Variants in OCA2 observed in about 807,000 individuals in gnomAD.
The protein encoded by OCA2 is OCA2 melanosomal transmembrane protein.
Under a neutral mutation model 100.2 loss-of-function variants are expected in OCA2, and 77 were observed. The ratio of observed to expected loss-of-function variants is 0.77; its 90% CI spans 0.64 to 0.93. The LOEUF (loss-of-function observed/expected upper bound fraction) is 0.93. Among genes scored for constraint, OCA2 ranks in the 40% least tolerant of loss-of-function variants. The pLI, the probability that OCA2 is intolerant of heterozygous loss-of-function variation, is 0.00. For synonymous variants in OCA2, 432 were observed against 439.2 expected (o/e 0.98, Z 0.21); for missense variants, 1,062 against 1,089.1 (o/e 0.98, Z 0.35).
At chr15:27,775,574 G>GC (rs2032163742) in intron 23 of OCA2, 1 of 152,512 alleles carries the variant, frequency 6.6e-6, no homozygotes, top group Non-Finnish European at 1.5e-5. Flanking sequence ...TGCAAACCCT[G>GC]CCAGGCACCA....
intron 23 of OCA2, among the ~76,000 whole-genome samples, chr15:27,830,487 T>C (rs2034907869): frequency 6.6e-6 from 1 of 152,186 alleles, no homozygotes. Context: ...TATTTAAAGA[T>C]AAGAAGGATG....
intron 18 of OCA2, among the ~76,000 whole-genome samples, chr15:27,945,076 G>A (rs888480517): frequency 1.3e-5 from 2 of 152,212 alleles, no homozygotes; most frequent in African/African-American, 4.8e-5. Context: ...ACAAATGCAT[G>A]AATAAGTGAG....
chr15:27,733,619 G>A, the OCA2 span, among the ~76,000 whole-genome samples: 1 of 152,192 alleles, frequency 6.6e-6, no homozygotes, highest in Non-Finnish European at 1.5e-5. Flanking sequence ...GTCTGCACCT[G>A]AAAATACAAG....
chr15:27,905,163 CAAAAAA>C (rs35906783), intron 19 of OCA2, among the ~76,000 whole-genome samples: 1 of 114,642 alleles, frequency 8.7e-6, no homozygotes, highest in Non-Finnish European at 1.8e-5. Flanking sequence ...GACTCCACCT[CAAAAAA>C]AAAAAAAAAA....
At chr15:27,922,026 A>T (rs1368649956) in intron 19 of OCA2, among the ~76,000 whole-genome samples, 1 of 152,260 alleles carries the variant, frequency 6.6e-6, no homozygotes, top group Non-Finnish European at 1.5e-5. Flanking sequence ...ATCATAAGAA[A>T]CAAAAACTAC....
At chr15:27,851,248 T>A (rs2035736971) in intron 22 of OCA2, 134 bp downstream of exon 22, 1 of 786,714 alleles carries the variant, frequency 1.3e-6, no homozygotes. Context: ...CAAAGCTGAA[T>A]ATGTGTGTCC....
At chr15:28,089,475 C>T (rs371073121) in intron 1 of OCA2, among the ~76,000 whole-genome samples, 2 of 152,220 alleles carry the variant, frequency 1.3e-5, no homozygotes, top group African/African-American at 4.8e-5. Context: ...AATAAATGTC[C>T]ATGAAATCTT....
At chr15:27,814,917 T>C (rs963306635) in intron 23 of OCA2, among the ~76,000 whole-genome samples, 2 of 149,588 alleles carry the variant, frequency 1.3e-5, no homozygotes, top group Non-Finnish European at 3.0e-5. Flanking sequence ...GATAGATAGA[T>C]AGATAGATAG....
chr15:28,062,600 G>A (rs1001348876), intron 2 of OCA2, among the ~76,000 whole-genome samples: 10 of 151,852 alleles, frequency 6.6e-5, no homozygotes. Flanking sequence ...TTTTGTTTGT[G>A]CTTTTAGCAT....
chr15:27,816,221 G>A (rs1447516304), intron 23 of OCA2, among the ~76,000 whole-genome samples: 2 of 152,192 alleles, frequency 1.3e-5, no homozygotes, highest in East Asian at 3.9e-4. Context: ...TACATTAGAA[G>A]AAGGAGGGGA....
At chr15:27,821,522 T>C (rs2034501360) in intron 23 of OCA2, among the ~76,000 whole-genome samples, 1 of 151,648 alleles carries the variant, frequency 6.6e-6, no homozygotes, top group South Asian at 2.1e-4. Flanking sequence ...ACACACCAAA[T>C]CATAATTCAC....
Position 27,871,839 on chromosome 15 carries a change from C to T in OCA2, c.2139+24G>A, listed in dbSNP as rs371872284. On this transcript the variant is annotated intron_variant, in intron 20 of 23. Coordinates refer to ENST00000354638, the MANE Select transcript of OCA2 (RefSeq NM_000275.3). ...AATCAAAGAACAGTGGCTGGAGTGC[C>T]TTCTATTATAGCATTTATTTTACCT... The T allele has an allele frequency of 1.1e-5, 17 of 1,484,664 alleles. No homozygotes were observed. The African/African-American group carries it at 1.9e-4, about 17-fold the overall frequency. 92.0% of individuals were successfully genotyped at this position (1,484,664 alleles called of 1,614,324 possible). A position where few individuals can be genotyped will look rare whatever the true frequency, so the allele number is the denominator to read the frequency against.
intron 19 of OCA2, among the ~76,000 whole-genome samples, chr15:27,891,023 C>CAAAAAAAAAAAAAAAAA (rs578093435): frequency 5.1e-5 from 6 of 118,020 alleles, no homozygotes; most frequent in African/African-American, 1.6e-4. Flanking sequence ...GACTCCATCT[C>CAAAAAAAAAAAAAAAAA]AAAAAAAAAA....
intron 19 of OCA2, among the ~76,000 whole-genome samples, chr15:27,902,126 G>A (rs1009504200): frequency 7.2e-5 from 11 of 152,134 alleles, no homozygotes; most frequent in Admixed American, 1.3e-4. Flanking sequence ...CCTGAACTAC[G>A]GTGTGGAAAG....
chr15:27,966,784 A>G lies in OCA2; in HGVS notation c.1542T>C (p.Ile514=), dbSNP rs763451308. ...DFAGFTAHMF[I]GICLVLLVCF... ...AGACCAGGAGAACAAGGCAAATCCC[A>G]ATGAACATGTGTGCAGTGAATCCGG... Residue 514 remains isoleucine (I), a synonymous_variant, in exon 15 of 24, where the codon ATT becomes ATC. Transcript: ENST00000354638. The G allele has an allele frequency of 6.2e-7, 1 of 1,613,204 alleles. No individual in the cohort carries two copies. The highest frequency in any genetic ancestry group is 1.1e-5 in the South Asian group (1 of 91,022).
At chr15:27,782,285 A>G (rs1357620883) in intron 23 of OCA2, among the ~76,000 whole-genome samples, 1 of 152,230 alleles carries the variant, frequency 6.6e-6, no homozygotes, top group Non-Finnish European at 1.5e-5. Context: ...CAATCCAAGA[A>G]AAAAAGATGT....
In OCA2 at chr15:27,759,766, G is replaced by A. The variant is rs568808720; in HGVS notation, c.2433-4294C>T. On this transcript the variant is annotated intron_variant, in intron 23 of 23. Coordinates refer to ENST00000354638, the MANE Select transcript of OCA2 (RefSeq NM_000275.3). Reference sequence around the variant, plus strand: ...GACTGACAAATCCACTATTATAGATGGAGACTTTTATTCTCTCTCTCTGTA... The same window carrying A: ...GACTGACAAATCCACTATTATAGATAGAGACTTTTATTCTCTCTCTCTGTA... Among the ~76,000 whole-genome samples the A allele has an allele frequency of 2.6e-5, 4 of 152,174 alleles. No homozygotes were observed. In the South Asian group the frequency reaches 8.3e-4, roughly 32 times the overall value.
chr15:27,720,796 A>G, the OCA2 span, among the ~76,000 whole-genome samples: 1 of 152,180 alleles, frequency 6.6e-6, no homozygotes, highest in Non-Finnish European at 1.5e-5. Flanking sequence ...TGAGTTTATT[A>G]TACAGCAATA....
At chr15:27,752,416 G>C (rs563983948), downstream of OCA2, among the ~76,000 whole-genome samples, 102 of 152,346 alleles carry the variant, frequency 6.7e-4, 1 homozygote, top group African/African-American at 2.4e-3. Context: ...ACAGCGTCAG[G>C]AGGGAGTGTG....
Sources: gnomAD v4.1 joint callset for allele counts (sites outside exome capture counted in the v4.1 genomes callset) on GRCh38, gnomAD v4.1.1 for gene constraint, MANE v1.5 for transcripts, NCBI Gene and HGNC (gene_info 2026-07-23, HGNC 2026-07-21) for gene names.